Variants in AKT3 observed in about 807,000 individuals in gnomAD.
AKT3 encodes the protein RAC-gamma serine/threonine-protein kinase.
AKT3 carries 15 observed loss-of-function variants against 65.3 expected under a neutral mutation model. That is an observed-to-expected ratio of 0.23 (90% CI 0.15 to 0.35). The LOEUF (loss-of-function observed/expected upper bound fraction) is 0.35, where lower values mean the gene tolerates loss of function less well. Ranked by LOEUF, AKT3 falls within the 10% of genes least tolerant of loss-of-function variation. AKT3 has a pLI of 1.00. For missense variants in AKT3, 243 were observed against 576.5 expected (o/e 0.42, Z 5.92); for synonymous variants, 206 against 183.8 (o/e 1.12, Z -0.98).
At chr1:243,774,443 T>A (rs763469138) in intron 2 of AKT3, among the ~76,000 whole-genome samples, 40 of 152,342 alleles carry the variant, frequency 2.6e-4, no homozygotes, top group Non-Finnish European at 4.6e-4. Flanking sequence ...ACCTGATGGT[T>A]ATTTTATGTT....
At chr1:243,850,701 C>G (rs1695747235), upstream of AKT3, among the ~76,000 whole-genome samples, 1 of 151,852 alleles carries the variant, frequency 6.6e-6, no homozygotes, top group South Asian at 2.1e-4. Context: ...CGGCCCTGCC[C>G]GCCGCCTCTG....
At chr1:243,738,697 A>T (rs1221271596) in intron 2 of AKT3, among the ~76,000 whole-genome samples, 1 of 152,198 alleles carries the variant, frequency 6.6e-6, no homozygotes, top group Non-Finnish European at 1.5e-5. Context: ...AAAGATGGTA[A>T]ACCATTACAC....
intron 12 of AKT3, among the ~76,000 whole-genome samples, chr1:243,544,759 AGTGGT>A (rs1558603486): frequency 6.7e-6 from 1 of 149,568 alleles, no homozygotes; most frequent in African/African-American, 2.5e-5. Context: ...GCTGGAGTAC[AGTGGT>A]GTAATCACAG....
At chr1:243,540,806 C>T (rs1672260530) in intron 12 of AKT3, among the ~76,000 whole-genome samples, 1 of 152,278 alleles carries the variant, frequency 6.6e-6, no homozygotes, top group East Asian at 1.9e-4. Context: ...ATGAGGCTAA[C>T]ACTTTTAAAG....
chr1:243,718,280 C>G (rs1465054330), intron 2 of AKT3, among the ~76,000 whole-genome samples: 1 of 152,110 alleles, frequency 6.6e-6, no homozygotes, highest in Non-Finnish European at 1.5e-5. Flanking sequence ...TGGATGTCCA[C>G]AAGCCAACGA....
intron 12 of AKT3, among the ~76,000 whole-genome samples, chr1:243,524,366 A>C (rs1460298331): frequency 1.3e-5 from 2 of 152,222 alleles, no homozygotes; most frequent in African/African-American, 4.8e-5. Context: ...ACCAGGCACC[A>C]GCCTCTGCTG....
intron 2 of AKT3, among the ~76,000 whole-genome samples, chr1:243,825,331 C>G (rs1694103813): frequency 6.6e-6 from 1 of 152,134 alleles, no homozygotes; most frequent in African/African-American, 2.4e-5. Context: ...TTGACAGGTG[C>G]AGCAAACCAC....
In AKT3 at chr1:243,690,322, A is replaced by G. The variant is rs552511744; in HGVS notation, c.172+5269T>C. Among the ~76,000 whole-genome samples the G allele has an allele frequency of 5.9e-5, 9 of 152,326 alleles. 1 individual carries two copies. The South Asian group carries it at 1.9e-3, about 32-fold the overall frequency. ...TCATACAAATTGTCAAAATGTTAGCAAGACCATGACTCCTGGACAGACAAA... is the reference window on the plus strand; with the variant it reads ...TCATACAAATTGTCAAAATGTTAGCGAGACCATGACTCCTGGACAGACAAA... On this transcript the variant is annotated intron_variant, in intron 3 of 13. Transcript: ENST00000673466.
At chr1:243,693,698 T>A (rs1432401592) in intron 3 of AKT3, among the ~76,000 whole-genome samples, 2 of 152,170 alleles carry the variant, frequency 1.3e-5, no homozygotes, top group Non-Finnish European at 2.9e-5. Flanking sequence ...TTGAACTACT[T>A]CTTCAGCTAG....
chr1:243,813,421 G>A (rs981582906), intron 2 of AKT3, among the ~76,000 whole-genome samples: 2 of 151,210 alleles, frequency 1.3e-5, no homozygotes, highest in African/African-American at 4.9e-5. Flanking sequence ...CCAAAATCTC[G>A]TAAGTCACCA....
rs199852052 is a variant in AKT3, at chr1:243,694,528, CT to C, written c.172+1062del. ...AATCCACTAATATAAACAGAGAAAG[CT>C]TTTTTTTTTAAGTTAGTATCCATAT... On this transcript the variant is annotated intron_variant, in intron 3 of 13. Coordinates refer to ENST00000673466, the MANE Select transcript of AKT3 (RefSeq NM_005465.7). 3.9e-3 allele frequency among the ~76,000 whole-genome samples: 579 copies of C among 147,362 alleles called. 2 individuals are homozygous for C. Among genetic ancestry groups the C allele is most frequent in the African/African-American group, 0.013 (528 of 40,310 alleles).
At chr1:243,527,870 A>AACACACACAC (rs56956606) in intron 12 of AKT3, among the ~76,000 whole-genome samples, 13 of 99,260 alleles carry the variant, frequency 1.3e-4, no homozygotes, top group Middle Eastern at 5.4e-3. Flanking sequence ...CATCTCTTAA[A>AACACACACAC]ACACACACAC....
intron 2 of AKT3, among the ~76,000 whole-genome samples, chr1:243,738,999 ATC>A (rs1687994656): frequency 6.6e-6 from 1 of 152,104 alleles, no homozygotes; most frequent in African/African-American, 2.4e-5. Flanking sequence ...CTCTCATTTA[ATC>A]AAATGGCAAA....
At chr1:243,676,941 A>C (rs1427218477) in intron 3 of AKT3, among the ~76,000 whole-genome samples, 1 of 152,140 alleles carries the variant, frequency 6.6e-6, no homozygotes, top group East Asian at 1.9e-4. Context: ...AAATTCTTAA[A>C]CTGTATGTCA....
intron 12 of AKT3, among the ~76,000 whole-genome samples, chr1:243,542,922 G>A (rs6656918): frequency 0.66 from 100,707 of 151,998 alleles, 35,820 homozygotes; most frequent in Non-Finnish European, 0.78. Context: ...ACAGGACACC[G>A]TGAGTAAGCC....
chr1:243,636,867 A>G (rs74390483), intron 6 of AKT3, among the ~76,000 whole-genome samples: 2,085 of 152,246 alleles, frequency 0.014, 28 homozygotes, highest in Admixed American at 0.043. Flanking sequence ...ACAAATGTAC[A>G]AAGACAGGGA....
At chr1:243,624,907 AC>A in intron 6 of AKT3, 1 of 216,370 alleles carries the variant, frequency 4.6e-6, no homozygotes. Flanking sequence ...AATCCTGATC[AC>A]CACCTTTTGT....
At chr1:243,712,096 C>T (rs898321572) in intron 2 of AKT3, among the ~76,000 whole-genome samples, 2 of 152,146 alleles carry the variant, frequency 1.3e-5, no homozygotes, top group Admixed American at 6.5e-5. Context: ...GCATACTGCT[C>T]GCCTCCAAAC....
At chr1:243,839,846 C>T (rs1322265206) in intron 2 of AKT3, among the ~76,000 whole-genome samples, 4 of 145,396 alleles carry the variant, frequency 2.8e-5, no homozygotes, top group South Asian at 2.2e-4. Context: ...GTTGATGAGA[C>T]GGAGAACATG....
Sources: gnomAD v4.1 joint callset for allele counts (sites outside exome capture counted in the v4.1 genomes callset) on GRCh38, gnomAD v4.1.1 for gene constraint, MANE v1.5 for transcripts, NCBI Gene and HGNC (gene_info 2026-07-23, HGNC 2026-07-21) for gene names.